KLHL40: variants seen among roughly 807,000 people sequenced by gnomAD.
KLHL40 encodes kelch-like protein 40.
A neutral mutation model predicts 49.7 loss-of-function variants in KLHL40; 44 were observed. The observed-to-expected ratio is 0.89, with a 90% CI of 0.70 to 1.14. KLHL40 has a LOEUF of 1.14. KLHL40 is among the 50% of genes most tolerant of loss of function. The pLI is 0.00. For missense variants in KLHL40, 892 were observed against 850.3 expected (o/e 1.05, Z -0.61); for synonymous variants, 409 against 365.2 (o/e 1.12, Z -1.37).
chr3:42,686,394 A>T lies in KLHL40; in HGVS notation c.776A>T (p.Asp259Val). 6.2e-7 allele frequency: 1 copy of T among 1,613,518 alleles called. No individual in the cohort carries two copies. Among genetic ancestry groups the T allele is most frequent in the Non-Finnish European group, 8.5e-7 (1 of 1,179,970 alleles). Residue 259 changes from aspartate to valine, a missense_variant, in exon 1 of 6, where the codon GAT becomes GTT. Transcript: ENST00000287777. The stretch of plus-strand genomic sequence containing the variant: ...CTGCGCAAGGTGCAGATGGTGAAGG[A>T]TGCACACGAGGGCCGCATCACCACG... ...ELLRKVQMVK[D>V]AHEGRITTLR... is the part of the protein sequence containing the mutation.
Position 42,688,885 on chromosome 3 carries a change from A to G in KLHL40, c.1438A>G (p.Met480Val), listed in dbSNP as rs1559614779. 1 of 1,613,964 alleles carries G rather than the reference A, an allele frequency of 6.2e-7. No homozygotes were observed. The highest frequency in any genetic ancestry group is 8.5e-7 in the Non-Finnish European group (1 of 1,179,936). Residue 480 changes from methionine to valine, a missense_variant, in exon 4 of 6, where the codon ATG (methionine) becomes GTG (valine). Transcript: ENST00000287777. The surrounding 1 kb of genome is among the most constrained non-coding windows in gnomAD (Gnocchi z 4.2). ...ACCCCACAGGAAGTGCCTGAACAAG[A>G]TGTGCGTCTATGACCCCAAGAAGTT... ...KGSDRKCLNK[M>V]CVYDPKKFEW...
At position 42,688,570 on chromosome 3, in the gene KLHL40, G is replaced by A; in HGVS notation, c.1314-40G>A. On this transcript the variant is annotated intron_variant, in intron 2 of 5. Transcript: ENST00000287777. This position sits in a 1 kb window ranked among gnomAD's most constrained non-coding sequence, Gnocchi z 4.2. ...AGAGACAGGGACTGAGCCGAGCCTGGATGGGTGCCCTCCCCCACCCCCACT... is the reference window on the plus strand; with the variant it reads ...AGAGACAGGGACTGAGCCGAGCCTGAATGGGTGCCCTCCCCCACCCCCACT... The A allele has an allele frequency of 1.4e-6, 2 of 1,466,758 alleles. No individual in the cohort carries two copies. The highest frequency in any genetic ancestry group is 1.9e-6 in the Non-Finnish European group (2 of 1,048,854). The allele number at this position is 1,466,758 out of a possible 1,614,324, so 90.9% of individuals were successfully genotyped here.
intron 5 of KLHL40, 44 bp downstream of exon 5, chr3:42,691,049 C>T: frequency 6.4e-7 from 1 of 1,562,914 alleles, no homozygotes; most frequent in Non-Finnish European, 8.7e-7. Flanking sequence ...ATGAGCAAGG[C>T]TGACACCCCA....
chr3:42,692,214 C>A lies in KLHL40; in HGVS notation c.*221C>A. 1.8e-6 allele frequency: 1 copy of A among 544,786 alleles called. No homozygotes were observed. The highest frequency in any genetic ancestry group is 3.3e-6 in the Non-Finnish European group (1 of 303,910). The allele number at this position is 544,786 out of a possible 1,614,324, so 33.7% of individuals were successfully genotyped here. A position where few individuals can be genotyped will look rare whatever the true frequency, so the allele number is the denominator to read the frequency against. ...AGAGGCTTCTCCAGTGTTGCCATAT[C>A]CCCCTAGGTTGTCTTGATCCATGAA... On this transcript the variant is annotated 3_prime_UTR_variant, in exon 6 of 6. Transcript: ENST00000287777.
intron 1 of KLHL40, 85 bp downstream of exon 1, chr3:42,686,855 C>T (rs1277767482): frequency 7.2e-5 from 87 of 1,204,554 alleles, no homozygotes; most frequent in Non-Finnish European, 1.0e-4. Flanking sequence ...GGGCTTGTGT[C>T]TACACAAGTG....
In KLHL40 at chr3:42,691,928, G is replaced by A. The variant is rs144659891; in HGVS notation, c.1801G>A (p.Ala601Thr). The A allele has an allele frequency of 6.6e-4, 1,063 of 1,613,770 alleles. 13 individuals carry two copies. In the East Asian group the frequency reaches 0.019, roughly 29 times the overall value. ...ATGGGAGGGTGTCCTGCGGGAGATCGCCTATGCAGCAGGTGCCACCTTCCT... is the reference window on the plus strand; with the variant it reads ...ATGGGAGGGTGTCCTGCGGGAGATCACCTATGCAGCAGGTGCCACCTTCCT... The part of the protein sequence containing the change: ...KKWEGVLREI[A>T]YAAGATFLPV... The change falls in exon 6 of 6, where the codon GCC (alanine) becomes ACC (threonine). Residue 601 changes from alanine (A) to threonine (T), a missense_variant. Transcript: ENST00000287777.
Position 42,688,628 on chromosome 3 carries a change from A to G in KLHL40, c.1332A>G (p.Glu444=). 1.2e-6 allele frequency: 2 copies of G among 1,613,676 alleles called. No homozygotes were observed. Among genetic ancestry groups the G allele is most frequent in the Non-Finnish European group, 8.5e-7 (1 of 1,179,908 alleles). ...CCTCCAGGTCATTCAAATGGGGTGAATCGGACCCGCTGCCTTACGTGGTGT... is the reference window on the plus strand; with the variant it reads ...CCTCCAGGTCATTCAAATGGGGTGAGTCGGACCCGCTGCCTTACGTGGTGT... The part of the protein sequence containing the change: ...CYDRLSFKWG[E]SDPLPYVVYG... Residue 444 remains glutamate, a synonymous_variant, in exon 3 of 6, where the codon GAA becomes GAG. Transcript: ENST00000287777. The surrounding 1 kb of genome is among the most constrained non-coding windows in gnomAD (Gnocchi z 4.2).
chr3:42,688,135 C>G lies in KLHL40; in HGVS notation c.1153-7C>G, dbSNP rs773932233. ...GGGCGGTAGCTGACTGGACACCTGGCCTGCAGTTTGACCATCTGGACTCAG... is the reference window on the plus strand; with the variant it reads ...GGGCGGTAGCTGACTGGACACCTGGGCTGCAGTTTGACCATCTGGACTCAG... On this transcript the variant is annotated splice_polypyrimidine_tract_variant and splice_region_variant and intron_variant, in intron 1 of 5. Transcript: ENST00000287777. The surrounding 1 kb of genome is among the most constrained non-coding windows in gnomAD (Gnocchi z 4.2). 1.9e-6 allele frequency: 3 copies of G among 1,613,610 alleles called. No individual in the cohort carries two copies. Among genetic ancestry groups the G allele is most frequent in the African/African-American group, 2.7e-5 (2 of 74,796 alleles).
Position 42,686,143 on chromosome 3 carries a change from C to T in KLHL40, c.525C>T (p.Asp175=), listed in dbSNP as rs775038339. Residue 175 remains aspartate, a synonymous_variant, in exon 1 of 6, where the codon GAC becomes GAT. Coordinates refer to ENST00000287777, the MANE Select transcript of KLHL40 (RefSeq NM_152393.4). ...CTGACTTCCTCGGACTCTCGGCCGA[C>T]GAGCTCATCGCCATCATCTCCAGCG... The part of the protein sequence containing the change: ...RDADFLGLSA[D]ELIAIISSDG... 1.9e-6 allele frequency: 3 copies of T among 1,596,550 alleles called. No individual in the cohort carries two copies. Among genetic ancestry groups the T allele is most frequent in the Non-Finnish European group, 2.5e-6 (3 of 1,176,914 alleles).
rs746956277 is a variant in KLHL40 at position 42,688,874 on chromosome 3, G to A, written c.1427G>A (p.Cys476Tyr). Reference protein sequence around the residue: ...VIGGKGSDRKCLNKMCVYDPK... With the variant: ...VIGGKGSDRKYLNKMCVYDPK... ...CCCCACCCTCCACCCCACAGGAAGT[G>A]CCTGAACAAGATGTGCGTCTATGAC... is the stretch of plus-strand genomic sequence containing the variant. The change falls in exon 4 of 6, where the codon TGC becomes TAC. Residue 476 changes from cysteine (C) to tyrosine (Y), a missense_variant. Cys to Tyr is a radical substitution (Grantham distance 194). Coordinates refer to ENST00000287777, the MANE Select transcript of KLHL40 (RefSeq NM_152393.4). The surrounding 1 kb of genome is among the most constrained non-coding windows in gnomAD (Gnocchi z 4.2). The A allele has an allele frequency of 8.1e-6, 13 of 1,613,846 alleles. No homozygotes were observed. The highest frequency in any genetic ancestry group is 4.5e-5 in the East Asian group (2 of 44,868).
In KLHL40 at chr3:42,685,915, G is replaced by A. The variant is rs555010862; in HGVS notation, c.297G>A (p.Ala99=). The A allele has an allele frequency of 3.1e-6, 5 of 1,611,750 alleles. No individual in the cohort carries two copies. In the African/African-American group the frequency reaches 5.3e-5, roughly 17 times the overall value. ...LYTSEIALDE[A]SVQDLFAAAH... ...CATCAGAGATCGCGCTGGATGAGGC[G>A]AGCGTGCAGGATTTGTTCGCCGCGG... Residue 99 remains alanine, a synonymous_variant, in exon 1 of 6, where the codon GCG becomes GCA. Coordinates refer to ENST00000287777, the MANE Select transcript of KLHL40 (RefSeq NM_152393.4).
Position 42,689,010 on chromosome 3 carries a change from A to G in KLHL40, c.1563A>G (p.Thr521=). 4 of 1,614,148 alleles carry G rather than the reference A, an allele frequency of 2.5e-6. No homozygotes were observed. The highest frequency in any genetic ancestry group is 3.4e-6 in the Non-Finnish European group (4 of 1,180,012). The change falls in exon 4 of 6, where the codon ACA becomes ACG. Residue 521 remains threonine (T), a synonymous_variant. Transcript: ENST00000287777. The stretch of plus-strand genomic sequence containing the variant: ...TCGTGGCAGCTGGGGTCACCGACAC[A>G]GGGCTGACCAGTTCTGCCGAAGTGT... ...RIIVAAGVTD[T]GLTSSAEVYS...
In KLHL40 at chr3:42,689,038, A is replaced by G. The variant is rs374593659; in HGVS notation, c.1591A>G (p.Ser531Gly). ...TGLTSSAEVY[S>G]ITDNKWAPFE... ...GCTGACCAGTTCTGCCGAAGTGTAC[A>G]GCATCACAGACAACAAGTATGAAAG... The change falls in exon 4 of 6, where the codon AGC becomes GGC. Residue 531 changes from serine to glycine, a missense_variant. By Grantham distance (56) the Ser-to-Gly change is moderately conservative. Transcript: ENST00000287777. The G allele has an allele frequency of 4.2e-5, 68 of 1,612,284 alleles. No homozygotes were observed. The highest frequency in any genetic ancestry group is 5.4e-5 in the Non-Finnish European group (64 of 1,178,704).
Position 42,688,232 on chromosome 3 carries a change from T to C in KLHL40, c.1243T>C (p.Tyr415His), listed in dbSNP as rs759757085. ...FGLGEALNSI[Y>H]VVGGREIKDG... ...CCTGGGAGAAGCTCTCAACTCCATC[T>C]ACGTGGTCGGTGGCAGAGAGATCAA... Residue 415 changes from tyrosine (Y) to histidine (H), a missense_variant, in exon 2 of 6, where the codon TAC becomes CAC. Coordinates refer to ENST00000287777, the MANE Select transcript of KLHL40 (RefSeq NM_152393.4). The surrounding 1 kb of genome is among the most constrained non-coding windows in gnomAD (Gnocchi z 4.2). 5.6e-5 allele frequency: 91 copies of C among 1,613,844 alleles called. No individual in the cohort carries two copies. Among genetic ancestry groups the C allele is most frequent in the Non-Finnish European group, 7.0e-5 (83 of 1,180,004 alleles).
chr3:42,686,632 C>T lies in KLHL40; in HGVS notation c.1014C>T (p.Cys338=), dbSNP rs1411228767. The T allele has an allele frequency of 1.2e-6, 2 of 1,614,072 alleles. No individual in the cohort carries two copies. Among genetic ancestry groups the T allele is most frequent in the Non-Finnish European group, 1.7e-6 (2 of 1,180,030 alleles). The change falls in exon 1 of 6, where the codon TGC becomes TGT. Residue 338 remains cysteine (C), a synonymous_variant. Coordinates refer to ENST00000287777, the MANE Select transcript of KLHL40 (RefSeq NM_152393.4). ...CCTACGATCCAGCAGCCAACGAGTG[C>T]TACTGTGCTTCCCTCTCCAACCAGG... is the stretch of plus-strand genomic sequence containing the variant. ...AVAYDPAANE[C]YCASLSNQVP... is the part of the protein sequence containing the mutation.
Position 42,688,320 on chromosome 3 carries a change from G to A in KLHL40, c.1313+18G>A, listed in dbSNP as rs779683914. 6.2e-7 allele frequency: 1 copy of A among 1,613,438 alleles called. No homozygotes were observed. Among genetic ancestry groups the A allele is most frequent in the African/African-American group, 1.3e-5 (1 of 74,848 alleles). On this transcript the variant is annotated intron_variant, in intron 2 of 5. Coordinates refer to ENST00000287777, the MANE Select transcript of KLHL40 (RefSeq NM_152393.4). This position sits in a 1 kb window ranked among gnomAD's most constrained non-coding sequence, Gnocchi z 4.2. ...GACAGGCTGTGAGCATGGCTGGGGT[G>A]GGGCTGAGCTCCGTGGGGGTGAGTG...
At position 42,691,994 on chromosome 3, in the gene KLHL40, C is replaced by T; in HGVS notation, c.*1C>T. On this transcript the variant is annotated 3_prime_UTR_variant, in exon 6 of 6. Transcript: ENST00000287777. ...TGTGCTGTGCCTGACTAAGATGTGACCAGCTCAGGCAGACTGAACTAAGCA... is the reference window on the plus strand; with the variant it reads ...TGTGCTGTGCCTGACTAAGATGTGATCAGCTCAGGCAGACTGAACTAAGCA... 9 of 1,568,774 alleles carry T rather than the reference C, an allele frequency of 5.7e-6. No individual in the cohort carries two copies. The highest frequency in any genetic ancestry group is 1.7e-4 in the Middle Eastern group (1 of 5,974).
In KLHL40 at chr3:42,690,895, C is replaced by G; in HGVS notation, c.1644C>G (p.Ser548Arg). Residue 548 changes from serine to arginine, a missense_variant, in exon 5 of 6, where the codon AGC (serine) becomes AGG (arginine). Coordinates refer to ENST00000287777, the MANE Select transcript of KLHL40 (RefSeq NM_152393.4). ...APFEAFPQERSSLSLVSLVGT... is the reference protein window; with the variant it reads ...APFEAFPQERRSLSLVSLVGT... ...TCGAGGCCTTCCCACAGGAGCGTAGCTCACTCAGCCTGGTCAGCCTGGTGG... is the reference window on the plus strand; with the variant it reads ...TCGAGGCCTTCCCACAGGAGCGTAGGTCACTCAGCCTGGTCAGCCTGGTGG... 1.2e-6 allele frequency: 2 copies of G among 1,613,318 alleles called. No homozygotes were observed. Among genetic ancestry groups the G allele is most frequent in the South Asian group, 1.1e-5 (1 of 91,012 alleles).
rs753569751 is a variant in KLHL40, at chr3:42,690,973, G to A, written c.1722G>A (p.Glu574=). 6.2e-7 allele frequency: 1 copy of A among 1,613,174 alleles called. No individual in the cohort carries two copies. Among genetic ancestry groups the A allele is most frequent in the Non-Finnish European group, 8.5e-7 (1 of 1,179,496 alleles). ...CCACACTGGAGACGGAGTCTGGAGA[G>A]CTGGTTCCCACAGAGCTCAATGACA... The part of the protein sequence containing the change: ...GFATLETESG[E]LVPTELNDIW... Residue 574 remains glutamate (E), a synonymous_variant, in exon 5 of 6, where the codon GAG becomes GAA. Coordinates refer to ENST00000287777, the MANE Select transcript of KLHL40 (RefSeq NM_152393.4).
Sources: allele counts gnomAD v4.1 joint callset, GRCh38; gene constraint gnomAD v4.1.1; non-coding constraint Gnocchi (gnomAD v3.1); transcripts MANE v1.5; gene names NCBI Gene and HGNC (gene_info 2026-07-23, HGNC 2026-07-21).